TMC1: variants seen among roughly 807,000 people sequenced by gnomAD.
TMC1 encodes the protein transmembrane channel-like protein 1.
In TMC1, 84 loss-of-function variants were observed where a neutral mutation model predicts 105.8. That is an observed-to-expected ratio of 0.79 (90% confidence interval 0.67 to 0.95). The LOEUF is 0.95. Among genes scored for constraint, TMC1 ranks in the 40% least tolerant of loss-of-function variants. TMC1 has a pLI of 0.00. For synonymous variants in TMC1, 315 were observed against 311.5 expected (o/e 1.01, Z -0.12); for missense variants, 817 against 914.1 (o/e 0.89, Z 1.37).
intron 12 of TMC1, among the ~76,000 whole-genome samples, chr9:72,771,776 G>A (rs565357734): frequency 6.6e-5 from 10 of 152,276 alleles, no homozygotes; most frequent in African/African-American, 2.4e-4. Context: ...AGTTATTCAG[G>A]TGGCTTTGAG....
chr9:72,567,409 G>C (rs1180536262), intron 1 of TMC1, among the ~76,000 whole-genome samples: 1 of 152,112 alleles, frequency 6.6e-6, no homozygotes, highest in Non-Finnish European at 1.5e-5. Flanking sequence ...CACTGTATTA[G>C]TCCATTCTCA....
In TMC1 at chr9:72,792,234, A is replaced by G; in HGVS notation, c.1448A>G (p.Glu483Gly). Residue 483 changes from glutamate to glycine, a missense_variant, in exon 17 of 24, where the codon GAA becomes GGA. By Grantham distance (98) the Glu-to-Gly change is moderately conservative. Transcript: ENST00000297784. ...GTAAAGGCCAATATTACCCTTTGGG[A>G]AGCCAATATGATCAAGGCCTACAAT... Reference protein sequence around the residue: ...KLVKANITLWEANMIKAYNAS... With the variant: ...KLVKANITLWGANMIKAYNAS... 6.2e-7 allele frequency: 1 copy of G among 1,614,110 alleles called. No individual in the cohort carries two copies. The highest frequency in any genetic ancestry group is 8.5e-7 in the Non-Finnish European group (1 of 1,180,008).
intron 17 of TMC1, among the ~76,000 whole-genome samples, chr9:72,801,530 A>G (rs906668849): frequency 6.6e-6 from 1 of 151,868 alleles, no homozygotes; most frequent in African/African-American, 2.4e-5. Flanking sequence ...ATCAACACAC[A>G]CTCCCCAAAC....
intron 7 of TMC1, among the ~76,000 whole-genome samples, chr9:72,699,956 CAAAAAAAAAAAAAAAA>C (rs61062887): frequency 8.6e-5 from 4 of 46,582 alleles, no homozygotes; most frequent in African/African-American, 3.2e-4. Context: ...GACTCTGTCT[CAAAAAAAAAAAAAAAA>C]AAAAAAAAGC....
intron 8 of TMC1, among the ~76,000 whole-genome samples, chr9:72,714,361 G>A (rs572101916): frequency 7.9e-5 from 12 of 152,076 alleles, no homozygotes; most frequent in Non-Finnish European, 1.8e-4. Context: ...ATTGACAGTG[G>A]GGTGTTAAAG....
chr9:72,649,210 G>C (rs1334057520), intron 5 of TMC1, among the ~76,000 whole-genome samples: 1 of 152,194 alleles, frequency 6.6e-6, no homozygotes, highest in Non-Finnish European at 1.5e-5. Context: ...TGCTTGCTGT[G>C]ACTTGCCATA....
intron 4 of TMC1, among the ~76,000 whole-genome samples, chr9:72,644,116 C>T (rs1825673223): frequency 6.6e-6 from 1 of 151,946 alleles, no homozygotes; most frequent in Non-Finnish European, 1.5e-5. Flanking sequence ...TTTTATTGGA[C>T]TGTTTGTTTT....
chr9:72,702,517 A>G (rs1382731762), intron 8 of TMC1, among the ~76,000 whole-genome samples: 1 of 152,204 alleles, frequency 6.6e-6, no homozygotes, highest in Non-Finnish European at 1.5e-5. Context: ...AGAACTTGGC[A>G]CATAGCTGGG....
At chr9:72,745,124 CTTTA>C (rs1223755350) in intron 10 of TMC1, among the ~76,000 whole-genome samples, 1 of 152,084 alleles carries the variant, frequency 6.6e-6, no homozygotes, top group East Asian at 1.9e-4. Flanking sequence ...AAGAACTGAG[CTTTA>C]TTTTTTATTT....
chr9:72,589,586 G>C (rs1219213844), intron 2 of TMC1, among the ~76,000 whole-genome samples: 3 of 152,134 alleles, frequency 2.0e-5, no homozygotes, highest in Non-Finnish European at 4.4e-5. Context: ...AAGCATGTCG[G>C]ACTTGACCTG....
At chr9:72,594,261 T>G (rs1331002072) in intron 2 of TMC1, among the ~76,000 whole-genome samples, 2 of 152,114 alleles carry the variant, frequency 1.3e-5, no homozygotes, top group African/African-American at 4.8e-5. Context: ...CATAAATTCA[T>G]GAAGAGCTGA....
At chr9:72,641,677 TC>T in intron 4 of TMC1, among the ~76,000 whole-genome samples, 1 of 152,042 alleles carries the variant, frequency 6.6e-6, no homozygotes, top group Non-Finnish European at 1.5e-5. Flanking sequence ...CATCCCTCCT[TC>T]TTGGATCCTT....
At chr9:72,596,244 C>A (rs1233486236) in intron 2 of TMC1, among the ~76,000 whole-genome samples, 2 of 152,184 alleles carry the variant, frequency 1.3e-5, no homozygotes, top group Non-Finnish European at 2.9e-5. Flanking sequence ...CCATCTGTAT[C>A]ACCTTCTCTG....
chr9:72,703,182 A>G (rs1564501777), intron 8 of TMC1, among the ~76,000 whole-genome samples: 1 of 151,918 alleles, frequency 6.6e-6, no homozygotes. Context: ...GCTGGAGTGC[A>G]GTGGTGCTAT....
chr9:72,756,838 G>C (rs1827683133), intron 12 of TMC1, among the ~76,000 whole-genome samples: 2 of 152,178 alleles, frequency 1.3e-5, no homozygotes, highest in African/African-American at 4.8e-5. Context: ...TAGTGACTCA[G>C]TTGAGGAAGA....
intron 18 of TMC1, among the ~76,000 whole-genome samples, chr9:72,811,297 T>A (rs1828699424): frequency 6.6e-6 from 1 of 152,148 alleles, no homozygotes; most frequent in Non-Finnish European, 1.5e-5. Flanking sequence ...AACAAACCTA[T>A]GAAGATTAAC....
intron 19 of TMC1, among the ~76,000 whole-genome samples, chr9:72,819,164 G>A (rs1038952314): frequency 2.6e-5 from 4 of 152,166 alleles, no homozygotes; most frequent in African/African-American, 9.7e-5. Context: ...GACCCAGACT[G>A]ATGGAATAGG....
intron 1 of TMC1, among the ~76,000 whole-genome samples, chr9:72,544,477 A>ATTT (rs1823730855): frequency 9.4e-6 from 1 of 105,960 alleles, no homozygotes; most frequent in African/African-American, 4.4e-5. Context: ...TGATTTTTTA[A>ATTT]CTTTTTTTTT....
At chr9:72,720,141 C>T (rs1826996326) in intron 8 of TMC1, among the ~76,000 whole-genome samples, 1 of 152,122 alleles carries the variant, frequency 6.6e-6, no homozygotes, top group Non-Finnish European at 1.5e-5. Flanking sequence ...TTTGACTTTA[C>T]ATATAAGGAA....
Sources: gnomAD v4.1 joint callset for allele counts (sites outside exome capture counted in the v4.1 genomes callset) on GRCh38, gnomAD v4.1.1 for gene constraint, MANE v1.5 for transcripts, NCBI Gene and HGNC (gene_info 2026-07-23, HGNC 2026-07-21) for gene names.